The following LOXHD1 variants were observed in gnomAD, a reference collection of about 807,000 sequenced individuals.
LOXHD1 encodes lipoxygenase homology domain-containing protein 1.
In LOXHD1, 205 loss-of-function variants were observed where a neutral mutation model predicts 248.2. That is an observed-to-expected ratio of 0.83 (90% CI 0.74 to 0.93). The LOEUF (loss-of-function observed/expected upper bound fraction) is 0.93, where lower values mean the gene tolerates loss of function less well. Ranked by LOEUF, LOXHD1 falls within the 40% of genes least tolerant of loss-of-function variation. The probability of loss-of-function intolerance (pLI) is 0.00; values close to 1 mark genes in which losing one functional copy is unlikely to be tolerated. For missense variants in LOXHD1, 2,930 were observed against 2,971.6 expected, an observed-to-expected ratio of 0.99 and a Z score of 0.33; for synonymous variants, 1,113 against 1,162.8, an observed-to-expected ratio of 0.96 and a Z score of 0.87.
chr18:46,479,754 TTC>T (rs1203962804), intron 40 of LOXHD1, among the ~76,000 whole-genome samples: 1 of 144,898 alleles, frequency 6.9e-6, no homozygotes, highest in Non-Finnish European at 1.5e-5. Flanking sequence ...TAGATGAACA[TTC>T]TTAACAGAAA....
intron 15 of LOXHD1, 34 bp from the exon 16 acceptor site, chr18:46,569,672 G>A (rs1210629772): frequency 6.6e-7 from 1 of 1,524,610 alleles, no homozygotes; most frequent in South Asian, 1.2e-5. Context: ...GGAAGGGAAG[G>A]GGTTAGTGCA....
intron 15 of LOXHD1, among the ~76,000 whole-genome samples, chr18:46,571,780 TA>T (rs1388181436): frequency 6.6e-6 from 1 of 152,206 alleles, no homozygotes; most frequent in Non-Finnish European, 1.5e-5. Context: ...CCCTTCAAAA[TA>T]TTTCTCTTCT....
chr18:46,481,121 T>C (rs1234528449), intron 40 of LOXHD1, among the ~76,000 whole-genome samples: 1 of 152,220 alleles, frequency 6.6e-6, no homozygotes, highest in African/African-American at 2.4e-5. Flanking sequence ...TAACTCCAAA[T>C]ATGGCTAACA....
intron 28 of LOXHD1, among the ~76,000 whole-genome samples, chr18:46,531,192 G>A (rs915552633): frequency 6.6e-6 from 1 of 151,946 alleles, no homozygotes; most frequent in Non-Finnish European, 1.5e-5. Context: ...CAGAGACACC[G>A]CCAGGGGCAG....
chr18:46,552,788 C>T (rs2037160307), intron 21 of LOXHD1, among the ~76,000 whole-genome samples: 1 of 152,176 alleles, frequency 6.6e-6, no homozygotes, highest in Non-Finnish European at 1.5e-5. Context: ...GCTTTGGATG[C>T]CCTCATCTGC....
intron 2 of LOXHD1, among the ~76,000 whole-genome samples, chr18:46,645,989 T>A (rs1033877794): frequency 1.3e-5 from 2 of 152,204 alleles, no homozygotes; most frequent in African/African-American, 4.8e-5. Flanking sequence ...AGACTGAGGC[T>A]CTAATATTCC....
rs754765193 is a variant in LOXHD1 at position 46,477,931 on chromosome 18, G to T, written c.6363C>A (p.Cys2121Ter). The change falls in exon 41 of 41, where the codon TGC becomes TGA. Residue 2121 changes from cysteine (C) to a stop codon, truncating the protein, a stop_gained. Coordinates refer to ENST00000642948, the MANE Select transcript of LOXHD1 (RefSeq NM_001384474.1). LOFTEE classifies it high-confidence loss of function. The stretch of plus-strand genomic sequence containing the variant: ...TCCTCTTCCTCTTGAGGGGGATGAG[G>T]CAGTCACAGTTAAAGAAGTACCTGG... ...YGNVYFFNCD[C>*]LIPLKRKRKY... 31 of 1,549,806 alleles carry T rather than the reference G, an allele frequency of 2.0e-5. No homozygotes were observed. Among genetic ancestry groups the T allele is most frequent in the Non-Finnish European group, 3.5e-6 (4 of 1,145,422 alleles).
At chr18:46,636,366 G>A (rs912897512) in intron 4 of LOXHD1, among the ~76,000 whole-genome samples, 4 of 152,206 alleles carry the variant, frequency 2.6e-5, no homozygotes, top group Non-Finnish European at 4.4e-5. Flanking sequence ...CTACAGGTAG[G>A]GCAGGCTCCC....
rs1599069168 is a variant in LOXHD1, at chr18:46,639,782, C to T, written c.345G>A (p.Thr115=). The T allele has an allele frequency of 4.5e-6, 7 of 1,551,560 alleles. No homozygotes were observed. The highest frequency in any genetic ancestry group is 1.2e-5 in the South Asian group (1 of 84,054). Residue 115 remains threonine (T), a synonymous_variant, in exon 4 of 41, where the codon ACG becomes ACA. Transcript: ENST00000642948. Reference sequence around the variant, plus strand: ...CCAGGTACCAGCTGGCATTCAAGCCCGTGTTGTCATGCTCAATCCTGAGGC... The same window carrying T: ...CCAGGTACCAGCTGGCATTCAAGCCTGTGTTGTCATGCTCAATCCTGAGGC... ...IYKVRIEHDN[T]GLNASWYLDH...
At chr18:46,650,397 A>G (rs1020738540) in intron 1 of LOXHD1, among the ~76,000 whole-genome samples, 4 of 152,202 alleles carry the variant, frequency 2.6e-5, no homozygotes, top group African/African-American at 9.7e-5. Context: ...TGTCCACCAC[A>G]TCACTGGATT....
At chr18:46,531,313 T>C (rs1340114756) in intron 28 of LOXHD1, among the ~76,000 whole-genome samples, 1 of 152,222 alleles carries the variant, frequency 6.6e-6, no homozygotes, top group African/African-American at 2.4e-5. Context: ...CCTCTCTTTA[T>C]TGTCTAAATG....
At chr18:46,600,419 T>C (rs1478585148) in intron 8 of LOXHD1, among the ~76,000 whole-genome samples, 1 of 152,048 alleles carries the variant, frequency 6.6e-6, no homozygotes, top group African/African-American at 2.4e-5. Flanking sequence ...GCCAACATGG[T>C]GAAACCCCAT....
At chr18:46,571,182 T>C (rs1248750128) in intron 15 of LOXHD1, among the ~76,000 whole-genome samples, 1 of 152,172 alleles carries the variant, frequency 6.6e-6, no homozygotes, top group Non-Finnish European at 1.5e-5. Flanking sequence ...CAAATATCTT[T>C]AGCTGCCGGG....
At chr18:46,597,337 A>G (rs1331301287) in intron 8 of LOXHD1, among the ~76,000 whole-genome samples, 1 of 152,228 alleles carries the variant, frequency 6.6e-6, no homozygotes, top group African/African-American at 2.4e-5. Flanking sequence ...CAGATATATC[A>G]GTAATTACAA....
chr18:46,590,791 T>C (rs1480963067), intron 12 of LOXHD1, among the ~76,000 whole-genome samples: 1 of 152,158 alleles, frequency 6.6e-6, no homozygotes, highest in Non-Finnish European at 1.5e-5. Context: ...TAACTAACTG[T>C]GTAACCATGG....
chr18:46,628,250 G>C (rs1041552225), intron 4 of LOXHD1, among the ~76,000 whole-genome samples: 1 of 152,200 alleles, frequency 6.6e-6, no homozygotes, highest in Admixed American at 6.5e-5. Flanking sequence ...CACTTAGAGT[G>C]GTTCTCTTCT....
At chr18:46,490,155 A>C (rs1017554503) in intron 37 of LOXHD1, among the ~76,000 whole-genome samples, 3 of 152,162 alleles carry the variant, frequency 2.0e-5, no homozygotes, top group Admixed American at 1.3e-4. Flanking sequence ...CTTACAACCA[A>C]AGGACCCCAG....
chr18:46,547,966 G>T (rs1354272545), intron 21 of LOXHD1, among the ~76,000 whole-genome samples: 2 of 152,156 alleles, frequency 1.3e-5, no homozygotes, highest in Non-Finnish European at 2.9e-5. Flanking sequence ...CATAAAATAA[G>T]CATAATATTG....
chr18:46,644,547 G>A (rs979540717), intron 2 of LOXHD1, among the ~76,000 whole-genome samples: 2 of 152,090 alleles, frequency 1.3e-5, no homozygotes, highest in Non-Finnish European at 2.9e-5. Flanking sequence ...GCAAGAGATA[G>A]CTCTACAAAA....
Sources: gnomAD v4.1 joint callset for allele counts (sites outside exome capture counted in the v4.1 genomes callset) on GRCh38, gnomAD v4.1.1 for gene constraint, MANE v1.5 for transcripts, NCBI Gene and HGNC (gene_info 2026-07-23, HGNC 2026-07-21) for gene names.